The following RHBDL3 variants were observed in gnomAD, a reference collection of about 807,000 sequenced individuals.
The protein encoded by RHBDL3 is rhomboid like 3.
In RHBDL3, 28 loss-of-function variants were observed where a neutral mutation model predicts 48.2. That is an observed-to-expected ratio of 0.58 (90% CI 0.43 to 0.80). The LOEUF (loss-of-function observed/expected upper bound fraction) is 0.80, where lower values mean the gene tolerates loss of function less well. RHBDL3 is among the 30% of genes least tolerant of loss of function. The pLI, the probability that RHBDL3 is intolerant of heterozygous loss-of-function variation, is 0.00. For missense variants in RHBDL3, 464 were observed against 542.7 expected (o/e 0.85, Z 1.44); for synonymous variants, 208 against 232.3 (o/e 0.90, Z 0.95).
intron 7 of RHBDL3, among the ~76,000 whole-genome samples, chr17:32,309,307 C>G (rs1185281823): frequency 1.3e-5 from 2 of 151,888 alleles, no homozygotes; most frequent in Non-Finnish European, 2.9e-5. Context: ...AATCCCGGCA[C>G]TTTGGGAGGG....
At chr17:32,300,856 C>CT (rs1307202757) in intron 6 of RHBDL3, among the ~76,000 whole-genome samples, 2 of 151,698 alleles carry the variant, frequency 1.3e-5, no homozygotes, top group Non-Finnish European at 2.9e-5. Context: ...GGGAGGAGCC[C>CT]TTCCCAAGCC....
At chr17:32,314,732 T>C (rs2040929562) in intron 7 of RHBDL3, among the ~76,000 whole-genome samples, 1 of 152,198 alleles carries the variant, frequency 6.6e-6, no homozygotes, top group South Asian at 2.1e-4. Flanking sequence ...GGGTTTCAGC[T>C]TGAAGAGGGG....
At chr17:32,308,164 C>T (rs1318071154) in intron 7 of RHBDL3, among the ~76,000 whole-genome samples, 1 of 152,174 alleles carries the variant, frequency 6.6e-6, no homozygotes, top group East Asian at 1.9e-4. Context: ...TAGCCCATGG[C>T]CTGCCGCTGT....
chr17:32,266,313 TC>T lies in RHBDL3; in HGVS notation c.111+17del. On this transcript the variant is annotated intron_variant, in intron 1 of 8. Coordinates refer to ENST00000269051, the MANE Select transcript of RHBDL3 (RefSeq NM_138328.3). ...GGCGCCGGAGGACGTGAGTGCCCCC[TC>T]CCCGCCCGGCAAACTTTCTAGGGGG... is the stretch of plus-strand genomic sequence containing the variant. 1 of 1,401,052 alleles carries T rather than the reference TC, an allele frequency of 7.1e-7. No homozygotes were observed. Among genetic ancestry groups the T allele is most frequent in the Non-Finnish European group, 9.4e-7 (1 of 1,062,316 alleles). 86.8% of individuals were successfully genotyped at this position (1,401,052 alleles called of 1,614,324 possible).
intron 8 of RHBDL3, among the ~76,000 whole-genome samples, chr17:32,319,204 C>A (rs886832027): frequency 1.3e-5 from 2 of 151,710 alleles, no homozygotes; most frequent in African/African-American, 4.8e-5. Context: ...GGACGGATCA[C>A]GAGGTCAGGA....
At chr17:32,311,330 C>T (rs1265844348) in intron 7 of RHBDL3, among the ~76,000 whole-genome samples, 1 of 152,100 alleles carries the variant, frequency 6.6e-6, no homozygotes, top group Non-Finnish European at 1.5e-5. Context: ...ATTTTATTGG[C>T]GGGAATATTG....
In RHBDL3 at chr17:32,321,361, T is replaced by G; in HGVS notation, c.*132T>G. Reference sequence around the variant, plus strand: ...CAGAAGACTCTGGGCCACTGTAATGTTTGTGTTTAGATTTGGACACACAGT... The same window carrying G: ...CAGAAGACTCTGGGCCACTGTAATGGTTGTGTTTAGATTTGGACACACAGT... On this transcript the variant is annotated 3_prime_UTR_variant, in exon 9 of 9. Transcript: ENST00000269051. 1 of 1,544,064 alleles carries G rather than the reference T, an allele frequency of 6.5e-7. No homozygotes were observed. Among genetic ancestry groups the G allele is most frequent in the Non-Finnish European group, 8.7e-7 (1 of 1,149,946 alleles).
intron 6 of RHBDL3, among the ~76,000 whole-genome samples, chr17:32,304,843 C>T (rs58001125): frequency 6.9e-4 from 105 of 152,242 alleles, no homozygotes; most frequent in African/African-American, 2.3e-3. Context: ...GGAGGCAGGG[C>T]TCTGTGGCTC....
chr17:32,266,882 C>T (rs1461689627), intron 1 of RHBDL3, among the ~76,000 whole-genome samples: 1 of 152,078 alleles, frequency 6.6e-6, no homozygotes, highest in East Asian at 1.9e-4. Flanking sequence ...TAGAAGGAGG[C>T]CCGGGAGTCC....
At chr17:32,272,360 T>C (rs899919035) in intron 2 of RHBDL3, among the ~76,000 whole-genome samples, 4 of 152,204 alleles carry the variant, frequency 2.6e-5, no homozygotes, top group Non-Finnish European at 4.4e-5. Context: ...TAGTCCCCCC[T>C]GCAAGCTGGC....
At chr17:32,297,965 C>G (rs2040491703) in intron 5 of RHBDL3, 127 bp from the exon 6 acceptor site, 1 of 683,238 alleles carries the variant, frequency 1.5e-6, no homozygotes, top group Non-Finnish European at 2.7e-6. Context: ...ATGAGCTCCT[C>G]GCAGGCAGAG....
At chr17:32,270,191 C>T (rs1452037036) in intron 2 of RHBDL3, among the ~76,000 whole-genome samples, 5 of 147,766 alleles carry the variant, frequency 3.4e-5, no homozygotes, top group Non-Finnish European at 1.5e-5. Context: ...AAACTGCAGT[C>T]ATGGATGGGA....
At position 32,321,254 on chromosome 17, in the gene RHBDL3, G is replaced by C; in HGVS notation, c.*25G>C. 6.2e-7 allele frequency: 1 copy of C among 1,613,928 alleles called. No individual in the cohort carries two copies. Among genetic ancestry groups the C allele is most frequent in the South Asian group, 1.1e-5 (1 of 91,070 alleles). ...AGGGCTGGAGGCCCAAGGTCGGGGA[G>C]GGGAGGGAAAAGCAGCACCCACAGG... On this transcript the variant is annotated 3_prime_UTR_variant, in exon 9 of 9. Coordinates refer to ENST00000269051, the MANE Select transcript of RHBDL3 (RefSeq NM_138328.3).
intron 7 of RHBDL3, among the ~76,000 whole-genome samples, chr17:32,308,745 CAG>C (rs1597679561): frequency 6.6e-6 from 1 of 152,178 alleles, no homozygotes; most frequent in African/African-American, 2.4e-5. Flanking sequence ...CTAAGCAGTT[CAG>C]AGATGCGTTG....
chr17:32,312,438 A>T (rs1385676687), intron 7 of RHBDL3, among the ~76,000 whole-genome samples: 1 of 152,108 alleles, frequency 6.6e-6, no homozygotes, highest in Non-Finnish European at 1.5e-5. Flanking sequence ...CTGTCTCAAA[A>T]GGAAAAAAAA....
chr17:32,278,680 G>T (rs985439620), intron 2 of RHBDL3, among the ~76,000 whole-genome samples: 2 of 152,140 alleles, frequency 1.3e-5, no homozygotes, highest in African/African-American at 4.8e-5. Flanking sequence ...ATTCACACTT[G>T]GGCAACCCAG....
chr17:32,279,765 G>C (rs952480986), intron 2 of RHBDL3, among the ~76,000 whole-genome samples: 2 of 152,158 alleles, frequency 1.3e-5, no homozygotes, highest in South Asian at 2.1e-4. Flanking sequence ...TTGATTGATG[G>C]AGAAACAGAG....
chr17:32,298,028 T>TTGAATGAATGAATGAA, intron 5 of RHBDL3, 64 bp from the exon 6 acceptor site: 2 of 1,212,696 alleles, frequency 1.6e-6, no homozygotes. Context: ...CAGGTGTTTG[T>TTGAATGAATGAATGAA]TGAATGAATG....
intron 2 of RHBDL3, among the ~76,000 whole-genome samples, chr17:32,276,536 C>T (rs564001061): frequency 7.2e-5 from 11 of 152,236 alleles, no homozygotes; most frequent in African/African-American, 9.6e-5. Flanking sequence ...TGGGCAGCCT[C>T]GTTAATTCTG....
Sources: gnomAD v4.1 joint callset for allele counts (sites outside exome capture counted in the v4.1 genomes callset) on GRCh38, gnomAD v4.1.1 for gene constraint, MANE v1.5 for transcripts, NCBI Gene and HGNC (gene_info 2026-07-23, HGNC 2026-07-21) for gene names.